LDLRAD3: variants seen among roughly 807,000 people sequenced by gnomAD.
LDLRAD3 encodes low-density lipoprotein receptor class A domain-containing protein 3.
In LDLRAD3, 20 loss-of-function variants were observed where a neutral mutation model predicts 29.4. The ratio of observed to expected loss-of-function variants is 0.68; its 90% CI spans 0.48 to 0.99. LDLRAD3 has a LOEUF of 0.99. Ranked by LOEUF, LDLRAD3 falls within the 50% of genes least tolerant of loss-of-function variation. The pLI is 0.00. For synonymous variants in LDLRAD3, 157 were observed against 192.7 expected, an observed-to-expected ratio of 0.81 and a Z score of 1.53; for missense variants, 420 against 454.3, an observed-to-expected ratio of 0.92 and a Z score of 0.69.
Position 36,109,752 on chromosome 11 carries a change from A to AT in LDLRAD3, c.454+11294dup, listed in dbSNP as rs200243810. Among the ~76,000 whole-genome samples, 106 of 83,558 alleles carry AT rather than the reference A, an allele frequency of 1.3e-3. 2 individuals carry two copies. The highest frequency in any genetic ancestry group is 3.1e-3 in the African/African-American group (84 of 26,876). The allele number at this position is 83,558 out of a possible 152,430, so 54.8% of individuals were successfully genotyped here. On this transcript the variant is annotated intron_variant, in intron 4 of 5. Transcript: ENST00000315571. ...CAAATATGGATGGAAAAAGCTTTATATTTAAAAAAAAATAGTCTGCGTTTA... is the reference window on the plus strand; with the variant it reads ...CAAATATGGATGGAAAAAGCTTTATATTTTAAAAAAAAATAGTCTGCGTTTA...
chr11:36,217,214 A>C (rs143347678), intron 4 of LDLRAD3, among the ~76,000 whole-genome samples: 2 of 152,256 alleles, frequency 1.3e-5, no homozygotes, highest in Non-Finnish European at 2.9e-5. Flanking sequence ...GTAAGTGAAG[A>C]AATTGTGAAT....
At chr11:36,042,589 C>A (rs1469249165) in intron 2 of LDLRAD3, among the ~76,000 whole-genome samples, 1 of 152,178 alleles carries the variant, frequency 6.6e-6, no homozygotes, top group Non-Finnish European at 1.5e-5. Context: ...GCCCAGCCTT[C>A]CCCCACAATT....
intron 4 of LDLRAD3, among the ~76,000 whole-genome samples, chr11:36,204,011 G>GT (rs988841456): frequency 8.7e-4 from 40 of 45,736 alleles, no homozygotes; most frequent in East Asian, 4.0e-3. Flanking sequence ...ATGGCTTTTA[G>GT]TTTAAAAAAA....
chr11:36,179,532 G>C (rs951242586), intron 4 of LDLRAD3, among the ~76,000 whole-genome samples: 1 of 152,136 alleles, frequency 6.6e-6, no homozygotes, highest in Non-Finnish European at 1.5e-5. Context: ...CAGCTCAGAA[G>C]TTCATTGCTA....
At position 36,229,456 on chromosome 11, in the gene LDLRAD3, C is replaced by G; in HGVS notation, c.*59C>G. The G allele has an allele frequency of 7.9e-7, 1 of 1,267,960 alleles. No homozygotes were observed. Among genetic ancestry groups the G allele is most frequent in the Non-Finnish European group, 1.1e-6 (1 of 886,770 alleles). 78.5% of individuals were successfully genotyped at this position (1,267,960 alleles called of 1,614,324 possible). On this transcript the variant is annotated 3_prime_UTR_variant, in exon 6 of 6. Coordinates refer to ENST00000315571, the MANE Select transcript of LDLRAD3 (RefSeq NM_174902.4). Reference sequence around the variant, plus strand: ...CTGCTCTGACTTGTTGCCATTCTAACAATTTGTGCTCATGGGAAGCTCTTT... The same window carrying G: ...CTGCTCTGACTTGTTGCCATTCTAAGAATTTGTGCTCATGGGAAGCTCTTT...
intron 4 of LDLRAD3, among the ~76,000 whole-genome samples, chr11:36,215,846 G>A (rs375405052): frequency 7.9e-5 from 12 of 152,224 alleles, no homozygotes; most frequent in East Asian, 5.8e-4. Flanking sequence ...GCATTTCCCC[G>A]GGTAATAAAG....
At chr11:36,018,461 T>C (rs1041680651) in intron 1 of LDLRAD3, among the ~76,000 whole-genome samples, 1 of 152,220 alleles carries the variant, frequency 6.6e-6, no homozygotes, top group Non-Finnish European at 1.5e-5. Flanking sequence ...TTCACAAACT[T>C]TGAAGATCCC....
At chr11:36,040,004 G>T (rs1852359777) in intron 2 of LDLRAD3, among the ~76,000 whole-genome samples, 1 of 152,172 alleles carries the variant, frequency 6.6e-6, no homozygotes, top group Non-Finnish European at 1.5e-5. Flanking sequence ...GAGGGAGGGA[G>T]ACTGGTTCTG....
intron 4 of LDLRAD3, among the ~76,000 whole-genome samples, chr11:36,209,353 C>CTTTTTTTTTT (rs71044560): frequency 1.5e-5 from 1 of 68,604 alleles, no homozygotes; most frequent in Admixed American, 1.9e-4. Flanking sequence ...AGAAACTGTA[C>CTTTTTTTTTT]TTTTTTTTTT....
chr11:36,003,024 G>A (rs1293788993), intron 1 of LDLRAD3, among the ~76,000 whole-genome samples: 1 of 152,222 alleles, frequency 6.6e-6, no homozygotes, highest in East Asian at 1.9e-4. Flanking sequence ...TTCCAATTAA[G>A]ACAAAGAATG....
At chr11:35,996,613 T>A (rs531450263) in intron 1 of LDLRAD3, among the ~76,000 whole-genome samples, 53 of 152,202 alleles carry the variant, frequency 3.5e-4, no homozygotes, top group African/African-American at 1.1e-3. Context: ...CTTATGAAGC[T>A]CAATAAAGTG....
At chr11:36,085,348 G>GTTTTTTTT (rs397815799) in intron 3 of LDLRAD3, among the ~76,000 whole-genome samples, 1 of 140,976 alleles carries the variant, frequency 7.1e-6, no homozygotes. Flanking sequence ...GCTTTGAACT[G>GTTTTTTTT]TTTTTTTTTT....
intron 4 of LDLRAD3, among the ~76,000 whole-genome samples, chr11:36,130,365 C>T (rs1312532972): frequency 6.6e-6 from 1 of 152,104 alleles, no homozygotes; most frequent in Admixed American, 6.6e-5. Flanking sequence ...AGAGGCTTGT[C>T]TGGATGTGTC....
intron 4 of LDLRAD3, among the ~76,000 whole-genome samples, chr11:36,141,759 C>A (rs1480612771): frequency 6.6e-6 from 1 of 152,144 alleles, no homozygotes; most frequent in African/African-American, 2.4e-5. Flanking sequence ...AGCAGACAAG[C>A]AGGCTCTGAA....
intron 1 of LDLRAD3, among the ~76,000 whole-genome samples, chr11:36,010,402 T>C (rs1268826115): frequency 6.6e-6 from 1 of 152,246 alleles, no homozygotes; most frequent in Non-Finnish European, 1.5e-5. Flanking sequence ...TTAGTGAAGA[T>C]AGACCCAACT....
intron 4 of LDLRAD3, among the ~76,000 whole-genome samples, chr11:36,181,014 A>G (rs2133357071): frequency 6.6e-6 from 1 of 152,234 alleles, no homozygotes; most frequent in Admixed American, 6.5e-5. Flanking sequence ...AGCTAGGGAT[A>G]TATTACCTCC....
At chr11:36,226,616 C>A (rs1855502731) in intron 4 of LDLRAD3, among the ~76,000 whole-genome samples, 1 of 152,214 alleles carries the variant, frequency 6.6e-6, no homozygotes, top group African/African-American at 2.4e-5. Flanking sequence ...ATTTGTGCAA[C>A]CATCACCATA....
intron 4 of LDLRAD3, among the ~76,000 whole-genome samples, chr11:36,120,603 C>A (rs1853742251): frequency 1.3e-5 from 2 of 152,104 alleles, no homozygotes; most frequent in Non-Finnish European, 2.9e-5. Flanking sequence ...AAATGAGACC[C>A]AGAGGCATTA....
In LDLRAD3 at chr11:36,010,336, TAA is replaced by T. The variant is rs1851939223; in HGVS notation, c.47-25766_47-25765del. 5 of 153,872 alleles carry T rather than the reference TAA, an allele frequency of 3.2e-5. No homozygotes were observed. The South Asian group carries it at 8.1e-4, about 25-fold the overall frequency. The allele number at this position is 153,872 out of a possible 1,614,324, so 9.5% of individuals were successfully genotyped here. On this transcript the variant is annotated intron_variant, in intron 1 of 5. Transcript: ENST00000315571. ...AGAGACTAAATAGATTTATTTACTT[TAA>T]GTTTGCCCAGCCCTTCATAATATTT...
Sources: allele counts gnomAD v4.1 joint callset (sites outside exome capture counted in the v4.1 genomes callset), GRCh38; gene constraint gnomAD v4.1.1; transcripts MANE v1.5; gene names NCBI Gene and HGNC (gene_info 2026-07-23, HGNC 2026-07-21).